The following GUCY2D variants were observed in gnomAD, a reference collection of about 807,000 sequenced individuals.
The protein encoded by GUCY2D is guanylate cyclase 2D, retinal, also known as retinal guanylyl cyclase 1.
In GUCY2D, 70 loss-of-function variants were observed where a neutral mutation model predicts 101.3. That is an observed-to-expected ratio of 0.69 (90% CI 0.57 to 0.84). GUCY2D has a LOEUF of 0.84. Ranked by LOEUF, GUCY2D falls within the 40% of genes least tolerant of loss-of-function variation. The probability of loss-of-function intolerance (pLI) is 0.00; values close to 1 mark genes in which losing one functional copy is unlikely to be tolerated. For missense variants in GUCY2D, 1,460 were observed against 1,542.5 expected (o/e 0.95, Z 0.90); for synonymous variants, 688 against 670.7 (o/e 1.03, Z -0.40).
In GUCY2D at chr17:8,015,491, G is replaced by A. The variant is rs754320374; in HGVS notation, c.2933G>A (p.Gly978Asp). 1.9e-6 allele frequency: 3 copies of A among 1,611,906 alleles called. No homozygotes were observed. Among genetic ancestry groups the A allele is most frequent in the Non-Finnish European group, 2.5e-6 (3 of 1,179,614 alleles). Reference protein sequence around the residue: ...MPEVPVRIRIGLHSGPCVAGV... With the variant: ...MPEVPVRIRIDLHSGPCVAGV... ...GAGGTTCCCGTGCGCATCCGCATAGGCCTGCACTCGGGTAACTCCCGGGTC... is the reference window on the plus strand; with the variant it reads ...GAGGTTCCCGTGCGCATCCGCATAGACCTGCACTCGGGTAACTCCCGGGTC... The change falls in exon 15 of 20, where the codon GGC (glycine) becomes GAC (aspartate). Residue 978 changes from glycine to aspartate, a missense_variant. Gly to Asp is a moderately conservative substitution (Grantham distance 94). Coordinates refer to ENST00000254854, the MANE Select transcript of GUCY2D (RefSeq NM_000180.4).
rs1975657387 is a variant in GUCY2D, at chr17:8,003,063, C to T, written c.16C>T (p.Arg6Cys). The change falls in exon 2 of 20, where the codon CGC becomes TGC. Residue 6 changes from arginine (R) to cysteine (C), a missense_variant. Physicochemically the swap from Arg to Cys is radical, Grantham distance 180. Around this residue, in one of 3 missense-constraint regions of GUCY2D, gnomAD observed 1,196 missense variants for 1,229.6 expected, o/e 0.97. Transcript: ENST00000254854. The part of the protein sequence containing the change: MTACA[R>C]RAGGLPDPGL... The stretch of plus-strand genomic sequence containing the variant: ...GAAGCCGGCAATGACCGCCTGCGCC[C>T]GCCGAGCGGGTGGGCTTCCGGACCC... The T allele has an allele frequency of 1.3e-6, 2 of 1,526,190 alleles. No homozygotes were observed. Among genetic ancestry groups the T allele is most frequent in the African/African-American group, 1.4e-5 (1 of 71,300 alleles). The allele number at this position is 1,526,190 out of a possible 1,614,324, so 94.5% of individuals were successfully genotyped here.
In GUCY2D at chr17:8,011,563, C is replaced by T. The variant is rs1022681954; in HGVS notation, c.1750-581C>T. 1.3e-5 allele frequency among the ~76,000 whole-genome samples: 2 copies of T among 152,106 alleles called. No homozygotes were observed. Among genetic ancestry groups the T allele is most frequent in the Admixed American group, 1.3e-4 (2 of 15,280 alleles). On this transcript the variant is annotated intron_variant, in intron 8 of 19. Coordinates refer to ENST00000254854, the MANE Select transcript of GUCY2D (RefSeq NM_000180.4). This position sits in a 1 kb window ranked among gnomAD's most constrained non-coding sequence, Gnocchi z 4.3. ...TGGGGCCAGGTGTGGTGGCTCAGGC[C>T]TATAATCCCAGCACTTTGGGAGGCT... is the stretch of plus-strand genomic sequence containing the variant.
At chr17:8,008,596 G>A (rs1975790827) in intron 7 of GUCY2D, among the ~76,000 whole-genome samples, 1 of 152,190 alleles carries the variant, frequency 6.6e-6, no homozygotes, top group Non-Finnish European at 1.5e-5. Flanking sequence ...GAAATTTAGA[G>A]CTCCTGGGCT....
In GUCY2D at chr17:8,016,301, G is replaced by A; in HGVS notation, c.3224+11G>A. The A allele has an allele frequency of 1.3e-6, 2 of 1,548,534 alleles. No individual in the cohort carries two copies. The highest frequency in any genetic ancestry group is 1.8e-6 in the Non-Finnish European group (2 of 1,141,016). ...TGACCTGCAACCGGGGTGAGGGGCCGGCCTCCGCGGCAGGGCGAGGGACGA... is the reference window on the plus strand; with the variant it reads ...TGACCTGCAACCGGGGTGAGGGGCCAGCCTCCGCGGCAGGGCGAGGGACGA... On this transcript the variant is annotated intron_variant, in intron 18 of 19. Coordinates refer to ENST00000254854, the MANE Select transcript of GUCY2D (RefSeq NM_000180.4).
In GUCY2D at chr17:8,006,386, C is replaced by T; in HGVS notation, c.1050C>T (p.Ile350=). ...LQQVSPLFGT[I]YDAVFLLARG... is the part of the protein sequence containing the mutation. ...AGGTCTCCCCACTCTTTGGCACCAT[C>T]TATGACGCGGTCTTCTTGCTGGCAA... The change falls in exon 4 of 20, where the codon ATC becomes ATT. Residue 350 remains isoleucine, a synonymous_variant. Coordinates refer to ENST00000254854, the MANE Select transcript of GUCY2D (RefSeq NM_000180.4). The T allele has an allele frequency of 2.5e-6, 4 of 1,600,812 alleles. No individual in the cohort carries two copies. Among genetic ancestry groups the T allele is most frequent in the Non-Finnish European group, 3.4e-6 (4 of 1,179,944 alleles).
intron 8 of GUCY2D, among the ~76,000 whole-genome samples, chr17:8,010,318 T>C (rs1975825191): frequency 1.3e-5 from 2 of 152,188 alleles, no homozygotes; most frequent in South Asian, 4.1e-4. Flanking sequence ...AGTGCAAAGT[T>C]GGCAAGGAGG....
Position 8,014,935 on chromosome 17 carries a change from G to A in GUCY2D, c.2653G>A (p.Asp885Asn), listed in dbSNP as rs753445019. The change falls in exon 14 of 20, where the codon GAC becomes AAC. Residue 885 changes from aspartate (D) to asparagine (N), a missense_variant. Asp to Asn is a conservative substitution (Grantham distance 23). Transcript: ENST00000254854. The surrounding 1 kb of genome is among the most constrained non-coding windows in gnomAD (Gnocchi z 4.0). ...TGAGCAAGTGACACTGTACTTTAGTGACATTGTGGGCTTCACCACCATCTC... is the reference window on the plus strand; with the variant it reads ...TGAGCAAGTGACACTGTACTTTAGTAACATTGTGGGCTTCACCACCATCTC... Reference protein sequence around the residue: ...YFEQVTLYFSDIVGFTTISAM... With the variant: ...YFEQVTLYFSNIVGFTTISAM... The A allele has an allele frequency of 6.2e-7, 1 of 1,614,080 alleles. No homozygotes were observed. The highest frequency in any genetic ancestry group is 8.5e-7 in the Non-Finnish European group (1 of 1,179,956).
In GUCY2D at chr17:8,014,375, T is replaced by A. The variant is rs1257919281; in HGVS notation, c.2413-226T>A. On this transcript the variant is annotated intron_variant, in intron 12 of 19. Transcript: ENST00000254854. This position sits in a 1 kb window ranked among gnomAD's most constrained non-coding sequence, Gnocchi z 4.0. ...CTCCAGTGCCCTGTCAATTACTAGCTGAGATCAACTGACCTCTGGGAACCC... is the reference window on the plus strand; with the variant it reads ...CTCCAGTGCCCTGTCAATTACTAGCAGAGATCAACTGACCTCTGGGAACCC... The A allele has an allele frequency of 1.3e-5, 8 of 623,182 alleles. No homozygotes were observed. The highest frequency in any genetic ancestry group is 2.3e-5 in the Non-Finnish European group (8 of 346,938). 38.6% of individuals were successfully genotyped at this position (623,182 alleles called of 1,614,324 possible). A position where few individuals can be genotyped will look rare whatever the true frequency, so the allele number is the denominator to read the frequency against.
chr17:8,009,895 T>C (rs369247789), intron 8 of GUCY2D, among the ~76,000 whole-genome samples: 2 of 152,158 alleles, frequency 1.3e-5, no homozygotes, highest in South Asian at 4.2e-4. Context: ...GGAGGATTAT[T>C]TGAGCCTGGG....
chr17:8,012,102 T>C, intron 8 of GUCY2D, 42 bp from the exon 9 acceptor site: 2 of 1,422,776 alleles, frequency 1.4e-6, no homozygotes, highest in East Asian at 4.5e-5. Context: ...CTTCCCCACA[T>C]TGCCCTGGGC....
intron 17 of GUCY2D, 72 bp from the exon 18 acceptor site, chr17:8,016,133 C>A: frequency 7.5e-7 from 1 of 1,332,178 alleles, no homozygotes; most frequent in Non-Finnish European, 1.1e-6. Flanking sequence ...TCTCCCAGTT[C>A]CACGCAGACT....
rs56316238 is a variant in GUCY2D, at chr17:8,014,705, G to C, written c.2517G>C (p.Thr839=). 4 of 1,614,068 alleles carry C rather than the reference G, an allele frequency of 2.5e-6. No individual in the cohort carries two copies. In the East Asian group the frequency reaches 8.9e-5, roughly 36 times the overall value. The change falls in exon 13 of 20, where the codon ACG becomes ACC. Residue 839 remains threonine, a synonymous_variant. Transcript: ENST00000254854. This position sits in a 1 kb window ranked among gnomAD's most constrained non-coding sequence, Gnocchi z 4.0. The part of the protein sequence containing the change: ...SNLEDLIRER[T]EELELEKQKT... ...TGGAGGATCTGATCCGGGAGCGCAC[G>C]GAGGAGCTGGAGCTGGAAAAGCAGA...
Position 8,007,601 on chromosome 17 carries a change from G to A in GUCY2D, c.1566+73G>A, listed in dbSNP as rs116236245. The A allele has an allele frequency of 1.3e-3, 1,155 of 911,234 alleles. 11 individuals are homozygous for A. In the African/African-American group the frequency reaches 0.016, roughly 13 times the overall value. The allele number at this position is 911,234 out of a possible 1,614,324, so 56.4% of individuals were successfully genotyped here. Reference sequence around the variant, plus strand: ...TTGGTTCCTTCCCTGGGCCAGTCCCGACCCCAGCTCCCTACTTGGGAAGCC... The same window carrying A: ...TTGGTTCCTTCCCTGGGCCAGTCCCAACCCCAGCTCCCTACTTGGGAAGCC... On this transcript the variant is annotated intron_variant, in intron 6 of 19. Coordinates refer to ENST00000254854, the MANE Select transcript of GUCY2D (RefSeq NM_000180.4).
At chr17:8,016,586 C>A in intron 19 of GUCY2D, 32 bp downstream of exon 19, 2 of 1,105,144 alleles carry the variant, frequency 1.8e-6, no homozygotes, top group South Asian at 2.7e-5. Context: ...CCCCAGCTGC[C>A]GCGTCCCCTC....
Position 8,014,528 on chromosome 17 carries a change from C to A in GUCY2D, c.2413-73C>A. Reference sequence around the variant, plus strand: ...AGAGTGAACAGCCCCATGAGAGGGCCCATGAGGGGGGCATAAAGAGGGCAT... The same window carrying A: ...AGAGTGAACAGCCCCATGAGAGGGCACATGAGGGGGGCATAAAGAGGGCAT... On this transcript the variant is annotated intron_variant, in intron 12 of 19. Transcript: ENST00000254854. This position sits in a 1 kb window ranked among gnomAD's most constrained non-coding sequence, Gnocchi z 4.0. The A allele has an allele frequency of 7.2e-7, 1 of 1,386,978 alleles. No individual in the cohort carries two copies. The highest frequency in any genetic ancestry group is 1.0e-6 in the Non-Finnish European group (1 of 975,892). 85.9% of individuals were successfully genotyped at this position (1,386,978 alleles called of 1,614,324 possible). A position where few individuals can be genotyped will look rare whatever the true frequency, so the allele number is the denominator to read the frequency against.
chr17:8,019,326 C>T (rs1976031473), intron 19 of GUCY2D, among the ~76,000 whole-genome samples: 1 of 152,118 alleles, frequency 6.6e-6, no homozygotes. Context: ...AGGAAGAGTC[C>T]AGGATTAGGT....
intron 8 of GUCY2D, among the ~76,000 whole-genome samples, chr17:8,010,506 G>A (rs1212526115): frequency 4.6e-5 from 7 of 152,102 alleles, no homozygotes; most frequent in Admixed American, 4.6e-4. Context: ...TTTAATACCA[G>A]GTGTTTAAAA....
rs770484034 is a variant in GUCY2D at position 8,013,992 on chromosome 17, G to A, written c.2376G>A (p.Pro792=). 27 of 1,613,568 alleles carry A rather than the reference G, an allele frequency of 1.7e-5. No individual in the cohort carries two copies. Among genetic ancestry groups the A allele is most frequent in the African/African-American group, 1.2e-4 (9 of 74,940 alleles). ...TGAAGCAGTGCTGGGCAGAGCAGCCGGAACTTCGGCCCTCCATGGACCACA... is the reference window on the plus strand; with the variant it reads ...TGAAGCAGTGCTGGGCAGAGCAGCCAGAACTTCGGCCCTCCATGGACCACA... ...LLMKQCWAEQ[P]ELRPSMDHTF... Residue 792 remains proline (P), a synonymous_variant, in exon 12 of 20, where the codon CCG becomes CCA. Transcript: ENST00000254854. This position sits in a 1 kb window ranked among gnomAD's most constrained non-coding sequence, Gnocchi z 5.0.
chr17:8,013,555 AG>A lies in GUCY2D; in HGVS notation c.2263+308del, dbSNP rs1422499361. 1 of 572,530 alleles carries A rather than the reference AG, an allele frequency of 1.7e-6. No homozygotes were observed. Among genetic ancestry groups the A allele is most frequent in the Non-Finnish European group, 3.1e-6 (1 of 319,702 alleles). The allele number at this position is 572,530 out of a possible 1,614,324, so 35.5% of individuals were successfully genotyped here. ...CAGGGGTCCCTGGGAGGAGCAGGGGAGGGGGAGTGGGTGCATCCCTTCTGCA... is the reference window on the plus strand; with the variant it reads ...CAGGGGTCCCTGGGAGGAGCAGGGGAGGGGAGTGGGTGCATCCCTTCTGCA... On this transcript the variant is annotated intron_variant, in intron 11 of 19. Coordinates refer to ENST00000254854, the MANE Select transcript of GUCY2D (RefSeq NM_000180.4). This position sits in a 1 kb window ranked among gnomAD's most constrained non-coding sequence, Gnocchi z 5.0.
Sources: allele counts gnomAD v4.1 joint callset (sites outside exome capture counted in the v4.1 genomes callset), GRCh38; gene constraint gnomAD v4.1.1; regional missense constraint gnomAD v4.1.1; non-coding constraint Gnocchi (gnomAD v3.1); transcripts MANE v1.5; gene names NCBI Gene and HGNC (gene_info 2026-07-23, HGNC 2026-07-21).